Variants in DENND5B observed in about 807,000 individuals in gnomAD.
The protein encoded by DENND5B is DENN domain-containing protein 5B.
In DENND5B, 34 loss-of-function variants were observed where a neutral mutation model predicts 140.6. The observed-to-expected ratio is 0.24, with a 90% CI of 0.18 to 0.32. The LOEUF (loss-of-function observed/expected upper bound fraction) is 0.32, where lower values mean the gene tolerates loss of function less well. DENND5B is among the 10% of genes least tolerant of loss of function. The pLI, the probability that DENND5B is intolerant of heterozygous loss-of-function variation, is 1.00. For missense variants in DENND5B, 1,142 were observed against 1,560.2 expected, an observed-to-expected ratio of 0.73 and a Z score of 4.52; for synonymous variants, 551 against 562.1, an observed-to-expected ratio of 0.98 and a Z score of 0.28.
intron 8 of DENND5B, among the ~76,000 whole-genome samples, chr12:31,428,550 C>T (rs1010605059): frequency 6.0e-5 from 9 of 149,512 alleles, no homozygotes; most frequent in East Asian, 2.1e-4. Flanking sequence ...TACAGGCACG[C>T]GCCACCATGC....
intron 7 of DENND5B, among the ~76,000 whole-genome samples, chr12:31,442,130 T>C (rs11612487): frequency 2.7e-4 from 41 of 152,264 alleles, no homozygotes; most frequent in African/African-American, 9.1e-4. Flanking sequence ...CCCAAAGTAC[T>C]ATCCTGTCTT....
rs978490431 is a variant in DENND5B, at chr12:31,491,509, T to C, written c.237+4301A>G. Among the ~76,000 whole-genome samples the C allele has an allele frequency of 9.9e-5, 15 of 151,834 alleles. No homozygotes were observed. The East Asian group carries it at 2.7e-3, about 27-fold the overall frequency. ...TCCAATCTGGGAGACAGAGTGAGAC[T>C]GTGGAAACAAGGGAAAGAAAGAAAA... is the stretch of plus-strand genomic sequence containing the variant. On this transcript the variant is annotated intron_variant, in intron 2 of 20. Transcript: ENST00000389082.
chr12:31,507,743 A>G (rs1175550211), intron 1 of DENND5B, among the ~76,000 whole-genome samples: 1 of 152,198 alleles, frequency 6.6e-6, no homozygotes, highest in Non-Finnish European at 1.5e-5. Flanking sequence ...TTAGTAAATA[A>G]TTTTTATTAT....
chr12:31,439,464 T>G (rs969956204), intron 7 of DENND5B, among the ~76,000 whole-genome samples: 1 of 147,142 alleles, frequency 6.8e-6, no homozygotes, highest in Non-Finnish European at 1.5e-5. Flanking sequence ...TCATCTGACA[T>G]GTTACTTGAC....
At chr12:31,566,146 C>T (rs1353737458) in intron 1 of DENND5B, among the ~76,000 whole-genome samples, 2 of 151,322 alleles carry the variant, frequency 1.3e-5, no homozygotes, top group Non-Finnish European at 2.9e-5. Context: ...ACTCTTGTCT[C>T]AAAAAAAATT....
chr12:31,391,331 C>A (rs1033830057), intron 19 of DENND5B, among the ~76,000 whole-genome samples: 4 of 152,196 alleles, frequency 2.6e-5, no homozygotes, highest in Non-Finnish European at 5.9e-5. Context: ...AGTCTGTGCT[C>A]CAATGTACCT....
At position 31,534,905 on chromosome 12, in the gene DENND5B, G is replaced by GTCAAGA. The variant is rs1175561149; in HGVS notation, c.128-38992_128-38987dup. On this transcript the variant is annotated intron_variant, in intron 1 of 20. Transcript: ENST00000389082. ...TTTCCCAGCAGCAAGATGCAAAGGG[G>GTCAAGA]TCAAGAGGCTTTGGTTTGATTAACT... 2.1e-5 allele frequency: 8 copies of GTCAAGA among 372,462 alleles called. 1 individual carries two copies. The highest frequency in any genetic ancestry group is 9.9e-4 in the Middle Eastern group (1 of 1,006). The allele number at this position is 372,462 out of a possible 1,614,324, so 23.1% of individuals were successfully genotyped here. A position where few individuals can be genotyped will look rare whatever the true frequency, so the allele number is the denominator to read the frequency against.
intron 17 of DENND5B, among the ~76,000 whole-genome samples, chr12:31,393,263 C>T (rs1408860627): frequency 2.0e-5 from 3 of 152,192 alleles, no homozygotes; most frequent in Non-Finnish European, 2.9e-5. Context: ...AGGCTTCAGG[C>T]GCTCTGGATA....
At chr12:31,403,088 AC>A (rs1488509999) in intron 14 of DENND5B, among the ~76,000 whole-genome samples, 1 of 152,184 alleles carries the variant, frequency 6.6e-6, no homozygotes, top group African/African-American at 2.4e-5. Context: ...GACTTCTTGG[AC>A]AGTATTGAGT....
chr12:31,459,236 C>A (rs914372968), intron 4 of DENND5B, among the ~76,000 whole-genome samples: 1 of 151,738 alleles, frequency 6.6e-6, no homozygotes, highest in Non-Finnish European at 1.5e-5. Flanking sequence ...AAAAACAACA[C>A]CTAGGAGGTG....
At chr12:31,518,377 G>A (rs1024729907) in intron 1 of DENND5B, among the ~76,000 whole-genome samples, 7 of 152,178 alleles carry the variant, frequency 4.6e-5, no homozygotes, top group African/African-American at 1.2e-4. Context: ...GAGAATTAAA[G>A]ACAGAGCTGA....
Position 31,439,140 on chromosome 12 carries a change from A to C in DENND5B, c.2012+3635T>G, listed in dbSNP as rs1212211592. On this transcript the variant is annotated intron_variant, in intron 7 of 20. Coordinates refer to ENST00000389082, the MANE Select transcript of DENND5B (RefSeq NM_144973.4). ...TTTACTAAGCATAATTTTACCAATG[A>C]TAATCACAATTGCTGAAATACTAAA... 2.0e-5 allele frequency among the ~76,000 whole-genome samples: 3 copies of C among 152,372 alleles called. No homozygotes were observed. In the East Asian group the frequency reaches 5.8e-4, roughly 29 times the overall value.
At chr12:31,472,006 G>A (rs1269890694) in intron 3 of DENND5B, among the ~76,000 whole-genome samples, 1 of 152,116 alleles carries the variant, frequency 6.6e-6, no homozygotes, top group Admixed American at 6.5e-5. Context: ...AGCCACGCAG[G>A]ACTGGCTTTA....
intron 17 of DENND5B, among the ~76,000 whole-genome samples, chr12:31,397,235 G>A (rs556509540): frequency 6.6e-6 from 1 of 152,086 alleles, no homozygotes; most frequent in South Asian, 2.1e-4. Context: ...GGGGTAGAAG[G>A]AAATTTTAAT....
chr12:31,487,448 A>G (rs142800893), intron 2 of DENND5B, among the ~76,000 whole-genome samples: 235 of 152,308 alleles, frequency 1.5e-3, no homozygotes, highest in African/African-American at 5.3e-3. Context: ...CCATAATCCC[A>G]GTACTTCGGG....
intron 13 of DENND5B, among the ~76,000 whole-genome samples, chr12:31,412,581 G>A (rs1358620020): frequency 2.6e-5 from 4 of 152,136 alleles, no homozygotes; most frequent in South Asian, 2.1e-4. Context: ...GAGCTTAGGC[G>A]GTAATGCTTG....
In DENND5B at chr12:31,590,918, C is replaced by A; in HGVS notation, c.-86G>T. Reference sequence around the variant, plus strand: ...CTGCCACCACCGCTCCGGCTGTGGTCTGTGCGCCCGCCCTAGGGCGACACT... The same window carrying A: ...CTGCCACCACCGCTCCGGCTGTGGTATGTGCGCCCGCCCTAGGGCGACACT... On this transcript the variant is annotated 5_prime_UTR_variant, in exon 1 of 21. Transcript: ENST00000389082. 8.7e-7 allele frequency: 1 copy of A among 1,146,046 alleles called. No homozygotes were observed. Among genetic ancestry groups the A allele is most frequent in the South Asian group, 4.2e-5 (1 of 23,602 alleles). The allele number at this position is 1,146,046 out of a possible 1,614,324, so 71.0% of individuals were successfully genotyped here.
intron 17 of DENND5B, among the ~76,000 whole-genome samples, chr12:31,396,165 G>T (rs1014715154): frequency 6.7e-6 from 1 of 149,074 alleles, no homozygotes; most frequent in Admixed American, 6.8e-5. Flanking sequence ...CACCTCTCAG[G>T]TTCAAGCAAT....
In DENND5B at chr12:31,480,088, A is replaced by G. The variant is rs1411786576; in HGVS notation, c.405T>C (p.Leu135=). Residue 135 remains leucine, a synonymous_variant, in exon 3 of 21, where the codon CTT becomes CTC. Coordinates refer to ENST00000389082, the MANE Select transcript of DENND5B (RefSeq NM_144973.4). ...SKQICTAMQT[L]YQMHNAEHYS... ...AATGCTCAGCGTTGTGCATCTGGTA[A>G]AGTGTCTGCATTGCTGTGCAGATTT... 5 of 1,613,836 alleles carry G rather than the reference A, an allele frequency of 3.1e-6. No individual in the cohort carries two copies. Among genetic ancestry groups the G allele is most frequent in the Non-Finnish European group, 4.2e-6 (5 of 1,179,874 alleles).
Sources: allele counts gnomAD v4.1 joint callset (sites outside exome capture counted in the v4.1 genomes callset), GRCh38; gene constraint gnomAD v4.1.1; transcripts MANE v1.5; gene names NCBI Gene and HGNC (gene_info 2026-07-23, HGNC 2026-07-21).